DRG1: variants seen among roughly 807,000 people sequenced by gnomAD.
DRG1 encodes developmentally regulated GTP binding protein 1.
A neutral mutation model predicts 38.8 loss-of-function variants in DRG1; 19 were observed. The observed-to-expected ratio is 0.49, with a 90% CI of 0.34 to 0.72. The LOEUF (loss-of-function observed/expected upper bound fraction) is 0.72, where lower values mean the gene tolerates loss of function less well. DRG1 is among the 30% of genes least tolerant of loss of function. The pLI is 0.01. For synonymous variants in DRG1, 167 were observed against 157.5 expected (o/e 1.06, Z -0.45); for missense variants, 299 against 444.8 (o/e 0.67, Z 2.95).
chr22:31,407,460 C>T (rs1412459007), intron 3 of DRG1, among the ~76,000 whole-genome samples: 2 of 152,052 alleles, frequency 1.3e-5, no homozygotes, highest in Non-Finnish European at 2.9e-5. Flanking sequence ...CGTAGCCTTC[C>T]AAGTAGCTGG....
At chr22:31,431,780 T>G (rs187604722) in intron 8 of DRG1, among the ~76,000 whole-genome samples, 13 of 152,366 alleles carry the variant, frequency 8.5e-5, no homozygotes, top group Admixed American at 2.6e-4. Flanking sequence ...ATATTCCACA[T>G]GTAAGTGCTA....
At chr22:31,418,927 T>C (rs2050059602) in intron 4 of DRG1, among the ~76,000 whole-genome samples, 2 of 152,154 alleles carry the variant, frequency 1.3e-5, no homozygotes, top group African/African-American at 4.8e-5. Context: ...GTGATCCTCC[T>C]GCCTCAGCGT....
chr22:31,417,505 C>T (rs939127409), intron 4 of DRG1, among the ~76,000 whole-genome samples: 5 of 151,744 alleles, frequency 3.3e-5, no homozygotes, highest in Non-Finnish European at 5.9e-5. Context: ...CATGGTGAAA[C>T]CCTGTCTGTA....
chr22:31,420,202 G>T, intron 4 of DRG1, 54 bp from the exon 5 acceptor site: 1 of 1,579,222 alleles, frequency 6.3e-7, no homozygotes, highest in East Asian at 2.2e-5. Flanking sequence ...GAGTATTTGG[G>T]TTAGTTAAGG....
intron 2 of DRG1, 31 bp downstream of exon 2, chr22:31,400,774 T>G (rs1285144030): frequency 3.1e-6 from 5 of 1,593,090 alleles, no homozygotes; most frequent in Non-Finnish European, 4.3e-6. Flanking sequence ...TATATATTTT[T>G]AGGTATAATT....
At chr22:31,423,926 G>A (rs1249688515) in intron 6 of DRG1, among the ~76,000 whole-genome samples, 62 of 148,864 alleles carry the variant, frequency 4.2e-4, no homozygotes, top group African/African-American at 1.5e-3. Context: ...GTGCAGTGGC[G>A]CAGTCTCGGC....
Position 31,423,367 on chromosome 22 carries a change from G to A in DRG1, c.670G>A (p.Asp224Asn). ...TAATGCCGATGTGACTCTACGTAGT[G>A]ATGCTACAGCTGATGACCTCATTGA... ...IHNADVTLRS[D>N]ATADDLIDVV... Residue 224 changes from aspartate (D) to asparagine (N), a missense_variant, in exon 6 of 9, where the codon GAT becomes AAT. Physicochemically the swap from Asp to Asn is conservative, Grantham distance 23. This residue lies in a region of DRG1 where 198 missense variants were observed against 268.1 expected (regional missense o/e 0.74). Coordinates refer to ENST00000331457, the MANE Select transcript of DRG1 (RefSeq NM_004147.4). 1 of 1,614,130 alleles carries A rather than the reference G, an allele frequency of 6.2e-7. No individual in the cohort carries two copies. Among genetic ancestry groups the A allele is most frequent in the Non-Finnish European group, 8.5e-7 (1 of 1,180,046 alleles).
intron 3 of DRG1, among the ~76,000 whole-genome samples, chr22:31,406,763 A>G (rs1027940669): frequency 6.6e-6 from 1 of 152,208 alleles, no homozygotes; most frequent in Non-Finnish European, 1.5e-5. Flanking sequence ...TTACATAACC[A>G]TAGAAAAATT....
At chr22:31,429,344 C>G (rs1404382055) in intron 8 of DRG1, among the ~76,000 whole-genome samples, 2 of 152,208 alleles carry the variant, frequency 1.3e-5, no homozygotes, top group Non-Finnish European at 2.9e-5. Context: ...TCTCAAACTC[C>G]TGACCTCAGG....
At chr22:31,423,489 C>A in intron 6 of DRG1, 79 bp downstream of exon 6, 3 of 1,417,110 alleles carry the variant, frequency 2.1e-6, no homozygotes, top group Non-Finnish European at 2.9e-6. Context: ...TTGAATCTGG[C>A]AGAAGTTTAT....
intron 8 of DRG1, among the ~76,000 whole-genome samples, chr22:31,431,475 G>T (rs546517913): frequency 2.0e-5 from 3 of 152,250 alleles, no homozygotes; most frequent in African/African-American, 4.8e-5. Flanking sequence ...GATCAGACTA[G>T]GCAATATAGT....
intron 4 of DRG1, among the ~76,000 whole-genome samples, chr22:31,412,112 A>T (rs1338348621): frequency 1.3e-5 from 2 of 151,590 alleles, no homozygotes; most frequent in African/African-American, 4.8e-5. Context: ...TAACACAGTG[A>T]AACCCTGCCT....
chr22:31,402,000 G>A (rs1429199311), intron 2 of DRG1, among the ~76,000 whole-genome samples: 4 of 151,894 alleles, frequency 2.6e-5, no homozygotes, highest in Non-Finnish European at 4.4e-5. Flanking sequence ...GCAGTGAGCC[G>A]AGATCATGCC....
intron 3 of DRG1, among the ~76,000 whole-genome samples, chr22:31,410,144 T>C (rs1477474549): frequency 6.6e-6 from 1 of 152,076 alleles, no homozygotes; most frequent in African/African-American, 2.4e-5. Context: ...TGTTAGGCAT[T>C]TTCAAGGAGG....
chr22:31,428,532 T>G (rs1440513312), intron 8 of DRG1, among the ~76,000 whole-genome samples: 1 of 152,230 alleles, frequency 6.6e-6, no homozygotes, highest in Non-Finnish European at 1.5e-5. Flanking sequence ...CTTTTATCTC[T>G]CACCCCACTT....
At chr22:31,432,454 G>C (rs1261342880) in intron 8 of DRG1, among the ~76,000 whole-genome samples, 1 of 148,912 alleles carries the variant, frequency 6.7e-6, no homozygotes, top group Non-Finnish European at 1.5e-5. Context: ...GAGACTGAGA[G>C]AGACTCAGTC....
chr22:31,420,143 A>C (rs1277842020), intron 4 of DRG1, 113 bp from the exon 5 acceptor site: 5 of 1,208,754 alleles, frequency 4.1e-6, no homozygotes, highest in African/African-American at 3.1e-5. Context: ...TATGTATTAC[A>C]GAAAAATCCT....
chr22:31,400,957 A>G (rs1364536133), intron 2 of DRG1, among the ~76,000 whole-genome samples: 3 of 150,482 alleles, frequency 2.0e-5, no homozygotes, highest in Non-Finnish European at 4.4e-5. Context: ...AAAAAAAAAA[A>G]GTTTTTTAAA....
Position 31,431,019 on chromosome 22 carries a change from TCCCCC to T in DRG1, c.1005-2843_1005-2839del, listed in dbSNP as rs10570678. Reference sequence around the variant, plus strand: ...AGACACTAGCCACTGCACCCGGCCTTCCCCCCCCCCCCCCGCTTTTTTTTTTTTTT... The same window carrying T: ...AGACACTAGCCACTGCACCCGGCCTTCCCCCCCCCGCTTTTTTTTTTTTTT... On this transcript the variant is annotated intron_variant, in intron 8 of 8. Transcript: ENST00000331457. Among the ~76,000 whole-genome samples, 4 of 81,018 alleles carry T rather than the reference TCCCCC, an allele frequency of 4.9e-5. 1 individual carries two copies. Among genetic ancestry groups the T allele is most frequent in the Non-Finnish European group, 6.6e-5 (3 of 45,546 alleles). 53.2% of individuals were successfully genotyped at this position (81,018 alleles called of 152,430 possible).
Sources: allele counts gnomAD v4.1 joint callset (sites outside exome capture counted in the v4.1 genomes callset), GRCh38; gene constraint gnomAD v4.1.1; regional missense constraint gnomAD v4.1.1; transcripts MANE v1.5; gene names NCBI Gene and HGNC (gene_info 2026-07-23, HGNC 2026-07-21).